C16orf74: variants seen among roughly 807,000 people sequenced by gnomAD.
C16orf74 encodes the protein uncharacterized protein C16orf74.
A neutral mutation model predicts 6.5 loss-of-function variants in C16orf74; 10 were observed. The ratio of observed to expected loss-of-function variants is 1.54; its 90% CI spans 0.95 to 2.61. The LOEUF is 2.61. Among genes scored for constraint, C16orf74 ranks in the 30% most tolerant of loss-of-function variants. The probability of loss-of-function intolerance (pLI) is 0.00; values close to 1 mark genes in which losing one functional copy is unlikely to be tolerated. For missense variants in C16orf74, 141 were observed against 105.9 expected, an observed-to-expected ratio of 1.33 and a Z score of -1.45; for synonymous variants, 60 against 42.5, an observed-to-expected ratio of 1.41 and a Z score of -1.60.
intron 2 of C16orf74, among the ~76,000 whole-genome samples, chr16:85,711,576 T>C (rs985097460): frequency 4.1e-5 from 6 of 147,782 alleles, no homozygotes; most frequent in Non-Finnish European, 7.4e-5. Context: ...TGAGCCAAGA[T>C]TGTGCCATTG....
intron 2 of C16orf74, among the ~76,000 whole-genome samples, chr16:85,727,128 G>C (rs1193640108): frequency 6.6e-6 from 1 of 152,254 alleles, no homozygotes; most frequent in Non-Finnish European, 1.5e-5. Context: ...GCACGGTAGG[G>C]ACGCAATAAA....
chr16:85,717,779 C>A (rs142020463), intron 2 of C16orf74, among the ~76,000 whole-genome samples: 66 of 152,330 alleles, frequency 4.3e-4, no homozygotes, highest in Non-Finnish European at 7.4e-4. Flanking sequence ...AGGTAACGTG[C>A]TGGTAATACA....
chr16:85,726,068 A>G (rs1212639881), intron 2 of C16orf74, among the ~76,000 whole-genome samples: 1 of 151,970 alleles, frequency 6.6e-6, no homozygotes, highest in African/African-American at 2.4e-5. Context: ...TCTGCCTGGA[A>G]CACTGTTCCC....
chr16:85,747,115 C>T (rs532463033), intron 1 of C16orf74, among the ~76,000 whole-genome samples: 1 of 152,288 alleles, frequency 6.6e-6, no homozygotes, highest in East Asian at 1.9e-4. Flanking sequence ...AGCCGTGTGA[C>T]TCACAGCAAA....
chr16:85,730,895 A>G (rs1156524362), intron 2 of C16orf74, among the ~76,000 whole-genome samples: 2 of 141,062 alleles, frequency 1.4e-5, no homozygotes, highest in African/African-American at 5.4e-5. Flanking sequence ...GAACCCCCCC[A>G]GATCAGCTGA....
intron 1 of C16orf74, among the ~76,000 whole-genome samples, chr16:85,740,484 C>T (rs1445198977): frequency 2.6e-5 from 4 of 151,282 alleles, no homozygotes; most frequent in East Asian, 3.9e-4. Flanking sequence ...GGGAGGATCA[C>T]GAGGTCAGGA....
At chr16:85,708,227 G>T (rs1184124513) in intron 3 of C16orf74, among the ~76,000 whole-genome samples, 161 bp from the exon 4 acceptor site, 2 of 152,180 alleles carry the variant, frequency 1.3e-5, no homozygotes, top group African/African-American at 4.8e-5. Flanking sequence ...GATCCTTCTG[G>T]GTGAATCGGA....
At chr16:85,726,679 T>C (rs183736232) in intron 2 of C16orf74, among the ~76,000 whole-genome samples, 117 of 152,314 alleles carry the variant, frequency 7.7e-4, no homozygotes, top group African/African-American at 2.8e-3. Context: ...ATTTCCAGTT[T>C]GTTCTGAACA....
intron 1 of C16orf74, among the ~76,000 whole-genome samples, chr16:85,746,139 T>C (rs1330300219): frequency 6.6e-6 from 1 of 152,078 alleles, no homozygotes; most frequent in Non-Finnish European, 1.5e-5. Flanking sequence ...CACTTGAGGC[T>C]GGGCGTTCAA....
At chr16:85,718,842 T>A (rs2054050723) in intron 2 of C16orf74, among the ~76,000 whole-genome samples, 1 of 152,234 alleles carries the variant, frequency 6.6e-6, no homozygotes, top group Non-Finnish European at 1.5e-5. Flanking sequence ...TATTCATTGA[T>A]TCCTTCAACA....
At chr16:85,738,175 G>A (rs2054265141) in intron 1 of C16orf74, among the ~76,000 whole-genome samples, 1 of 151,824 alleles carries the variant, frequency 6.6e-6, no homozygotes, top group African/African-American at 2.4e-5. Context: ...AGCCCAGGAG[G>A]TTGAGACTGC....
chr16:85,746,667 CTGTT>C (rs1418905357), intron 1 of C16orf74, among the ~76,000 whole-genome samples: 2 of 152,196 alleles, frequency 1.3e-5, no homozygotes, highest in East Asian at 3.9e-4. Context: ...AAGAATGTGA[CTGTT>C]TGCCAGGTGA....
chr16:85,740,860 C>T (rs1217836425), intron 1 of C16orf74, among the ~76,000 whole-genome samples: 2 of 117,156 alleles, frequency 1.7e-5, no homozygotes, highest in Non-Finnish European at 1.8e-5. Context: ...AGAAAATATA[C>T]ACTGACGTGT....
At chr16:85,727,753 G>A (rs2054148470) in intron 2 of C16orf74, among the ~76,000 whole-genome samples, 1 of 152,072 alleles carries the variant, frequency 6.6e-6, no homozygotes, top group Admixed American at 6.6e-5. Context: ...GGTGGAGGTT[G>A]CAGTGAGCTG....
intron 1 of C16orf74, chr16:85,741,784 G>C (rs2054311449): frequency 1.2e-5 from 2 of 167,052 alleles, no homozygotes; most frequent in African/African-American, 4.8e-5. Context: ...CGGTCCCCCA[G>C]GTTCTGTGTC....
At chr16:85,739,850 A>G (rs1471064315) in intron 1 of C16orf74, among the ~76,000 whole-genome samples, 1 of 152,216 alleles carries the variant, frequency 6.6e-6, no homozygotes, top group Non-Finnish European at 1.5e-5. Context: ...ACTGTATTTT[A>G]GGTGACAGTC....
intron 3 of C16orf74, 139 bp from the exon 4 acceptor site, chr16:85,708,205 C>G (rs544953276): frequency 1.4e-6 from 1 of 707,664 alleles, no homozygotes; most frequent in East Asian, 2.7e-5. Flanking sequence ...GGGACCCAGC[C>G]CAGTGATGCT....
At chr16:85,716,559 A>G in intron 2 of C16orf74, among the ~76,000 whole-genome samples, 1 of 108,396 alleles carries the variant, frequency 9.2e-6, no homozygotes. Flanking sequence ...GGACAGAGGG[A>G]GGGAAGGGGA....
intron 1 of C16orf74, among the ~76,000 whole-genome samples, chr16:85,735,757 C>G (rs577561918): frequency 2.6e-5 from 4 of 151,930 alleles, no homozygotes; most frequent in South Asian, 4.2e-4. Context: ...GTGGCCCCCC[C>G]AGCCCACGGG....
Sources: gnomAD v4.1 joint callset for allele counts (sites outside exome capture counted in the v4.1 genomes callset) on GRCh38, gnomAD v4.1.1 for gene constraint, MANE v1.5 for transcripts, NCBI Gene and HGNC (gene_info 2026-07-23, HGNC 2026-07-21) for gene names.